The following TTC7A variants were observed in gnomAD, a reference collection of about 807,000 sequenced individuals.
TTC7A encodes tetratricopeptide repeat domain 7A, also known as tetratricopeptide repeat protein 7A.
TTC7A carries 110 observed loss-of-function variants against 103.7 expected under a neutral mutation model. The ratio of observed to expected loss-of-function variants is 1.06; its 90% CI spans 0.91 to 1.24. TTC7A has a LOEUF of 1.24. Among genes scored for constraint, TTC7A ranks in the 50% most tolerant of loss-of-function variants. TTC7A has a pLI of 0.00. For missense variants in TTC7A, 1,340 were observed against 1,116.3 expected (o/e 1.20, Z -2.86); for synonymous variants, 521 against 467.9 (o/e 1.11, Z -1.47).
intron 17 of TTC7A, 90 bp downstream of exon 17, chr2:47,050,136 C>G: frequency 1.8e-6 from 2 of 1,138,730 alleles, no homozygotes; most frequent in Admixed American, 3.8e-5. Flanking sequence ...GGGCCGGGCC[C>G]TCTCCCAGCC....
rs1677550602 is a variant in TTC7A, at chr2:47,007,550, C to T, written c.1287+826C>T. Among the ~76,000 whole-genome samples, 1 of 152,218 alleles carries T rather than the reference C, an allele frequency of 6.6e-6. No homozygotes were observed. The highest frequency in any genetic ancestry group is 1.5e-5 in the Non-Finnish European group (1 of 68,034). ...GGAATTCCTCGCCCCCCTGGCCCAT[C>T]TGTGCCACGTTCCATTTCTGGCCCC... On this transcript the variant is annotated intron_variant, in intron 10 of 19. Transcript: ENST00000319190. This position sits in a 1 kb window ranked among gnomAD's most constrained non-coding sequence, Gnocchi z 4.9.
At chr2:46,991,921 C>A (rs1468364578) in intron 5 of TTC7A, among the ~76,000 whole-genome samples, 1 of 152,188 alleles carries the variant, frequency 6.6e-6, no homozygotes, top group Non-Finnish European at 1.5e-5. Context: ...AAGGGTCCAT[C>A]TTGCTTGCGT....
In TTC7A at chr2:47,073,800, C is replaced by T. The variant is rs200783396; in HGVS notation, c.2454C>T (p.Gly818=). 368 of 1,613,724 alleles carry T rather than the reference C, an allele frequency of 2.3e-4. 3 individuals are homozygous for T. The East Asian group carries it at 7.0e-3, about 31-fold the overall frequency. ...RQSTCHEAWQ[G]LGEVLQAQGQ... is the part of the protein sequence containing the mutation. ...GTACGTGCCACGAGGCGTGGCAGGGCCTGGGCGAGGTGCTGCAGGCCCAGG... is the reference window on the plus strand; with the variant it reads ...GTACGTGCCACGAGGCGTGGCAGGGTCTGGGCGAGGTGCTGCAGGCCCAGG... Residue 818 remains glycine, a synonymous_variant, in exon 20 of 20, where the codon GGC becomes GGT. Transcript: ENST00000319190.
intron 15 of TTC7A, among the ~76,000 whole-genome samples, chr2:47,040,943 C>T (rs1417229014): frequency 1.3e-5 from 2 of 152,204 alleles, no homozygotes; most frequent in Non-Finnish European, 2.9e-5. Flanking sequence ...GACCATTGCT[C>T]TTCTGGAATG....
At position 47,074,485 on chromosome 2, in the gene TTC7A, T is replaced by TTGGGTCCTC. The variant is rs1553419145; in HGVS notation, c.*566_*567insTCCTCTGGG. 26 of 153,106 alleles carry TTGGGTCCTC rather than the reference T, an allele frequency of 1.7e-4. No individual in the cohort carries two copies. The highest frequency in any genetic ancestry group is 3.2e-4 in the Non-Finnish European group (22 of 68,702). The allele number at this position is 153,106 out of a possible 1,614,324, so 9.5% of individuals were successfully genotyped here. On this transcript the variant is annotated 3_prime_UTR_variant, in exon 20 of 20. Transcript: ENST00000319190. ...TCTTTCCCCCTGCTACCAAGTGCCT[T>TTGGGTCCTC]TGGGGTCTGACCAGGGGTACTGAGC...
chr2:47,011,384 C>G lies in TTC7A; in HGVS notation c.1341C>G (p.Asp447Glu). The G allele has an allele frequency of 1.9e-6, 3 of 1,611,890 alleles. No homozygotes were observed. In the South Asian group the frequency reaches 3.3e-5, roughly 18 times the overall value. The change falls in exon 11 of 20, where the codon GAC (aspartate) becomes GAG (glutamate). Residue 447 changes from aspartate to glutamate, a missense_variant. Physicochemically the swap from Asp to Glu is conservative, Grantham distance 45 (BLOSUM62 2). Coordinates refer to ENST00000319190, the MANE Select transcript of TTC7A (RefSeq NM_020458.4). ...LRECVKLRPS[D>E]PTVPLMAAKV... is the part of the protein sequence containing the mutation. ...AGTGTGTGAAGTTGCGGCCCTCGGA[C>G]CCCACCGTGCCCCTGATGGCCGCGA...
chr2:46,941,160 G>A (rs1670310699), upstream of TTC7A: 1 of 147,834 alleles, frequency 6.8e-6, no homozygotes, highest in South Asian at 1.8e-4. The surrounding 1 kb of genome is among the most constrained non-coding windows in gnomAD (Gnocchi z 4.2). Flanking sequence ...ACGCCCCCGC[G>A]GGGGTGGAGC....
intron 3 of TTC7A, among the ~76,000 whole-genome samples, chr2:46,968,626 C>A (rs917055151): frequency 6.6e-6 from 1 of 152,078 alleles, no homozygotes; most frequent in African/African-American, 2.4e-5. Context: ...ACTTTTTGGC[C>A]CTGTGTATAT....
intron 15 of TTC7A, among the ~76,000 whole-genome samples, chr2:47,041,610 G>A (rs182595831): frequency 6.6e-6 from 1 of 152,100 alleles, no homozygotes; most frequent in Non-Finnish European, 1.5e-5. Flanking sequence ...AAAATTAGCC[G>A]GGCCTGGTGG....
chr2:46,981,061 A>G (rs1674404775), intron 5 of TTC7A, among the ~76,000 whole-genome samples: 2 of 152,128 alleles, frequency 1.3e-5, no homozygotes, highest in Admixed American at 1.3e-4. Flanking sequence ...CTGCTCCATT[A>G]CGTAGGCATG....
At chr2:47,059,431 C>T (rs62138222) in intron 18 of TTC7A, among the ~76,000 whole-genome samples, 1 of 152,116 alleles carries the variant, frequency 6.6e-6, no homozygotes, top group Non-Finnish European at 1.5e-5. Context: ...ATCAGCTCTC[C>T]ATCAGGGCAG....
At chr2:47,028,334 G>A (rs763808424) in intron 14 of TTC7A, among the ~76,000 whole-genome samples, 3 of 152,200 alleles carry the variant, frequency 2.0e-5, no homozygotes, top group Non-Finnish European at 4.4e-5. Flanking sequence ...TGGGGCCCTG[G>A]CCACAGCTGC....
At position 47,023,517 on chromosome 2, in the gene TTC7A, T is replaced by G. The variant is rs553414165; in HGVS notation, c.1568+52T>G. On this transcript the variant is annotated intron_variant, in intron 13 of 19. Coordinates refer to ENST00000319190, the MANE Select transcript of TTC7A (RefSeq NM_020458.4). ...GGCCCCTCTTGCCTTTGGTGGCAGA[T>G]TCACAAGCTTTACGTCATCAGACCC... The G allele has an allele frequency of 1.3e-5, 20 of 1,580,572 alleles. No homozygotes were observed. In the South Asian group the frequency reaches 2.2e-4, roughly 17 times the overall value.
At chr2:47,066,648 C>G (rs1684204967) in intron 19 of TTC7A, among the ~76,000 whole-genome samples, 1 of 152,176 alleles carries the variant, frequency 6.6e-6, no homozygotes, top group African/African-American at 2.4e-5. Flanking sequence ...GGGTTACTTT[C>G]CTCACTGGGT....
intron 2 of TTC7A, among the ~76,000 whole-genome samples, chr2:46,933,909 TAAGTATGAAAGA>T (rs1669836246): frequency 6.6e-6 from 1 of 152,086 alleles, no homozygotes; most frequent in African/African-American, 2.4e-5. Context: ...CCCCACATGG[TAAGTATGAAAGA>T]AGAGGCCAGA....
At chr2:46,943,942 G>C (rs995050125) in intron 1 of TTC7A, among the ~76,000 whole-genome samples, 2 of 152,204 alleles carry the variant, frequency 1.3e-5, no homozygotes, top group African/African-American at 4.8e-5. Flanking sequence ...GGGAAGATGA[G>C]CTGTGGGGAC....
Position 46,944,689 on chromosome 2 carries a change from G to A in TTC7A, c.184+2964G>A, listed in dbSNP as rs116335551. 6.9e-3 allele frequency among the ~76,000 whole-genome samples: 1,051 copies of A among 152,212 alleles called. 13 individuals are homozygous for A. The highest frequency in any genetic ancestry group is 0.024 in the African/African-American group (983 of 41,522). On this transcript the variant is annotated intron_variant, in intron 1 of 19. Coordinates refer to ENST00000319190, the MANE Select transcript of TTC7A (RefSeq NM_020458.4). ...CCCAGGCAACATACCTCAGGCACACGTCAGCAAACCCAGCTAATTTTCAAA... is the reference window on the plus strand; with the variant it reads ...CCCAGGCAACATACCTCAGGCACACATCAGCAAACCCAGCTAATTTTCAAA...
At chr2:46,996,243 A>C (rs975284620) in intron 8 of TTC7A, among the ~76,000 whole-genome samples, 3 of 152,208 alleles carry the variant, frequency 2.0e-5, no homozygotes, top group Non-Finnish European at 4.4e-5. Flanking sequence ...ATCAGAAGCC[A>C]AGCACACAGG....
At chr2:47,027,512 G>C (rs1680043770) in intron 14 of TTC7A, among the ~76,000 whole-genome samples, 2 of 152,270 alleles carry the variant, frequency 1.3e-5, no homozygotes, top group South Asian at 4.1e-4. Flanking sequence ...TTAGCTCTTT[G>C]AACCCTTCTG....
Sources: gnomAD v4.1 joint callset for allele counts (sites outside exome capture counted in the v4.1 genomes callset) on GRCh38, gnomAD v4.1.1 for gene constraint, Gnocchi (gnomAD v3.1) non-coding constraint, MANE v1.5 for transcripts, NCBI Gene and HGNC (gene_info 2026-07-23, HGNC 2026-07-21) for gene names.